NCOA5: variants seen among roughly 807,000 people sequenced by gnomAD.
NCOA5 encodes NCoA-5.
In NCOA5, 12 loss-of-function variants were observed where a neutral mutation model predicts 59.0. That is an observed-to-expected ratio of 0.20 (90% CI 0.13 to 0.33). The LOEUF (loss-of-function observed/expected upper bound fraction) is 0.33. NCOA5 is among the 10% of genes least tolerant of loss of function. The pLI is 1.00. For missense variants in NCOA5, 655 were observed against 766.6 expected, an observed-to-expected ratio of 0.85 and a Z score of 1.72; for synonymous variants, 270 against 275.5, an observed-to-expected ratio of 0.98 and a Z score of 0.20.
At position 46,062,678 on chromosome 20, in the gene NCOA5, C is replaced by A; in HGVS notation, c.1362G>T (p.Ser454=). 2 of 1,614,046 alleles carry A rather than the reference C, an allele frequency of 1.2e-6. No homozygotes were observed. Among genetic ancestry groups the A allele is most frequent in the Non-Finnish European group, 1.7e-6 (2 of 1,180,004 alleles). The change falls in exon 8 of 8, where the codon TCG becomes TCT. Residue 454 remains serine (S), a synonymous_variant. Transcript: ENST00000290231. The part of the protein sequence containing the change: ...VTANSSSASP[S]VAAGNTPNQN... Reference sequence around the variant, plus strand: ...GGTTTGGGGTGTTTCCGGCAGCAACCGAGGGGGATGCAGAGCTGCTATTGG... The same window carrying A: ...GGTTTGGGGTGTTTCCGGCAGCAACAGAGGGGGATGCAGAGCTGCTATTGG...
intron 2 of NCOA5, among the ~76,000 whole-genome samples, chr20:46,075,853 A>G (rs1024755106): frequency 4.6e-5 from 7 of 152,232 alleles, no homozygotes; most frequent in African/African-American, 9.6e-5. Flanking sequence ...GAGTTAGATG[A>G]TAAGAATTCA....
chr20:46,067,215 G>C, intron 4 of NCOA5, 34 bp from the exon 5 acceptor site: 3 of 1,592,832 alleles, frequency 1.9e-6, no homozygotes, highest in South Asian at 2.3e-5. Context: ...CTGAAATAAG[G>C]ACTGGACCCT....
In NCOA5 at chr20:46,067,534, ATAT is replaced by A. The variant is rs1313324236; in HGVS notation, c.503-356_503-354del. 5.9e-5 allele frequency among the ~76,000 whole-genome samples: 9 copies of A among 152,162 alleles called. No individual in the cohort carries two copies. The East Asian group carries it at 9.6e-4, about 16-fold the overall frequency. On this transcript the variant is annotated intron_variant, in intron 4 of 7. Transcript: ENST00000290231. ...AGTCTTGCCAACTTGACAGATAAGA[ATAT>A]TATTATTATTCTAATCTGCATTTTT... is the stretch of plus-strand genomic sequence containing the variant.
chr20:46,065,092 T>C lies in NCOA5; in HGVS notation c.766A>G (p.Ile256Val), dbSNP rs998871658. Residue 256 changes from isoleucine to valine, a missense_variant, in exon 6 of 8, where the codon ATC becomes GTC. Around this residue, in one of 3 missense-constraint regions of NCOA5, gnomAD observed 80 missense variants for 153.3 expected, o/e 0.52. Transcript: ENST00000290231. The stretch of plus-strand genomic sequence containing the variant: ...CGGTGAATCTGGTGTTGCTGGGTGA[T>C]GACAATAGCAAAAGGAGAACCTCCC... The part of the protein sequence containing the change: ...SRGGSPFAIV[I>V]TQQHQIHRSC... 6.2e-6 allele frequency: 10 copies of C among 1,614,066 alleles called. No homozygotes were observed. In the Admixed American group the frequency reaches 1.3e-4, roughly 22 times the overall value.
Position 46,062,322 on chromosome 20 carries a change from C to A in NCOA5, c.1718G>T (p.Gly573Val). 1 of 1,613,646 alleles carries A rather than the reference C, an allele frequency of 6.2e-7. No homozygotes were observed. Among genetic ancestry groups the A allele is most frequent in the South Asian group, 1.1e-5 (1 of 91,032 alleles). Residue 573 changes from glycine (G) to valine (V), a missense_variant, in exon 8 of 8, where the codon GGA (glycine) becomes GTA (valine). Around this residue, in one of 3 missense-constraint regions of NCOA5, gnomAD observed 325 missense variants for 353.2 expected, o/e 0.92. Coordinates refer to ENST00000290231, the MANE Select transcript of NCOA5 (RefSeq NM_020967.3). ...GCTTCAGTAATGCCTCTGGTAAGAT[C>A]CCATGGGGGCCTGTGGCTGCCCCAT... The part of the protein sequence containing the change: ...AQMGQPQAPM[G>V]SYQRHY
At chr20:46,086,836 T>G (rs1322465364) in intron 1 of NCOA5, among the ~76,000 whole-genome samples, 1 of 152,172 alleles carries the variant, frequency 6.6e-6, no homozygotes, top group African/African-American at 2.4e-5. Flanking sequence ...CATGAGAGGA[T>G]AGCAGGAGAA....
intron 2 of NCOA5, among the ~76,000 whole-genome samples, chr20:46,074,511 G>A (rs1440735500): frequency 2.0e-5 from 3 of 152,166 alleles, no homozygotes; most frequent in Admixed American, 2.0e-4. Context: ...GAAGGCAGGT[G>A]GCAAACACAA....
chr20:46,085,960 G>A (rs2085041034), intron 1 of NCOA5, among the ~76,000 whole-genome samples: 3 of 152,128 alleles, frequency 2.0e-5, no homozygotes, highest in African/African-American at 7.2e-5. Flanking sequence ...GACACTGAAG[G>A]AGAAAAAAAT....
At chr20:46,075,911 C>T (rs755765678) in intron 2 of NCOA5, among the ~76,000 whole-genome samples, 8 of 152,206 alleles carry the variant, frequency 5.3e-5, no homozygotes, top group Non-Finnish European at 1.0e-4. Context: ...GAGTTCTGTG[C>T]TTGGCTGGGC....
intron 1 of NCOA5, among the ~76,000 whole-genome samples, chr20:46,086,877 T>C (rs1406474678): frequency 6.6e-6 from 1 of 152,224 alleles, no homozygotes; most frequent in Admixed American, 6.5e-5. Flanking sequence ...CTCTCAGATA[T>C]TGACATTGCA....
intron 5 of NCOA5, among the ~76,000 whole-genome samples, chr20:46,065,578 C>T (rs866496697): frequency 2.0e-5 from 3 of 152,138 alleles, no homozygotes; most frequent in Admixed American, 6.6e-5. Flanking sequence ...ATGGGTTTAA[C>T]GCTAGAAACA....
chr20:46,080,861 T>C (rs922218152), intron 1 of NCOA5, among the ~76,000 whole-genome samples: 1 of 152,162 alleles, frequency 6.6e-6, no homozygotes, highest in Non-Finnish European at 1.5e-5. Flanking sequence ...TATCTGACCA[T>C]AGCTTTGCTA....
In NCOA5 at chr20:46,062,315, G is replaced by A; in HGVS notation, c.1725C>T (p.Tyr575=). The A allele has an allele frequency of 6.2e-7, 1 of 1,613,432 alleles. No individual in the cohort carries two copies. Among genetic ancestry groups the A allele is most frequent in the Non-Finnish European group, 8.5e-7 (1 of 1,179,698 alleles). ...AGATTTAGCTTCAGTAATGCCTCTG[G>A]TAAGATCCCATGGGGGCCTGTGGCT... ...MGQPQAPMGS[Y]QRHY The change falls in exon 8 of 8, where the codon TAC becomes TAT. Residue 575 remains tyrosine, a synonymous_variant. Transcript: ENST00000290231.
chr20:46,070,186 C>A (rs2084866418), intron 3 of NCOA5, 24 bp downstream of exon 3: 3 of 1,577,488 alleles, frequency 1.9e-6, no homozygotes, highest in South Asian at 1.1e-5. Context: ...CAGGAAAAAA[C>A]AAGCAGAGTA....
Position 46,062,116 on chromosome 20 carries a change from T to C in NCOA5, c.*184A>G, listed in dbSNP as rs2084772140. Reference sequence around the variant, plus strand: ...AAAAAAGATACAGCCCCAAATGCAGTATAAACTTTGTAAGGAATAAGCAAC... The same window carrying C: ...AAAAAAGATACAGCCCCAAATGCAGCATAAACTTTGTAAGGAATAAGCAAC... On this transcript the variant is annotated 3_prime_UTR_variant, in exon 8 of 8. Transcript: ENST00000290231. 3.6e-6 allele frequency: 2 copies of C among 549,174 alleles called. No individual in the cohort carries two copies. The highest frequency in any genetic ancestry group is 2.9e-5 in the South Asian group (1 of 34,024). 34.0% of individuals were successfully genotyped at this position (549,174 alleles called of 1,614,324 possible).
At chr20:46,065,871 T>C (rs1281896466) in intron 5 of NCOA5, among the ~76,000 whole-genome samples, 5 of 152,238 alleles carry the variant, frequency 3.3e-5, no homozygotes, top group Non-Finnish European at 5.9e-5. Context: ...CCACCATACG[T>C]ATAAAAGATT....
rs767404126 is a variant in NCOA5, at chr20:46,062,336, T to G, written c.1704A>C (p.Pro568=). ...TCTGGTAAGATCCCATGGGGGCCTGTGGCTGCCCCATCTGTGCTGTGGTCT... is the reference window on the plus strand; with the variant it reads ...TCTGGTAAGATCCCATGGGGGCCTGGGGCTGCCCCATCTGTGCTGTGGTCT... ...VSQTTAQMGQ[P]QAPMGSYQRH... is the part of the protein sequence containing the mutation. The change falls in exon 8 of 8, where the codon CCA becomes CCC. Residue 568 remains proline (P), a synonymous_variant. Coordinates refer to ENST00000290231, the MANE Select transcript of NCOA5 (RefSeq NM_020967.3). The G allele has an allele frequency of 6.2e-6, 10 of 1,613,980 alleles. No individual in the cohort carries two copies. In the South Asian group the frequency reaches 1.1e-4, roughly 18 times the overall value.
At chr20:46,074,192 A>C (rs1299426513) in intron 2 of NCOA5, among the ~76,000 whole-genome samples, 2 of 152,214 alleles carry the variant, frequency 1.3e-5, no homozygotes, top group African/African-American at 4.8e-5. Context: ...AGAACTCCTC[A>C]GAACAAAAGG....
intron 1 of NCOA5, 47 bp from the exon 2 acceptor site, chr20:46,079,500 C>T: frequency 9.2e-6 from 13 of 1,418,810 alleles, no homozygotes; most frequent in Admixed American, 1.7e-5. Flanking sequence ...GGAATAAAAA[C>T]AAGATCATCA....
Sources: gnomAD v4.1 joint callset for allele counts (sites outside exome capture counted in the v4.1 genomes callset) on GRCh38, gnomAD v4.1.1 for gene constraint, gnomAD v4.1.1 regional missense constraint, MANE v1.5 for transcripts, NCBI Gene and HGNC (gene_info 2026-07-23, HGNC 2026-07-21) for gene names.